Variants in RPS9 observed in about 807,000 individuals in gnomAD.
RPS9 encodes the protein ribosomal protein S9, also known as small ribosomal subunit protein uS4.
In RPS9, 1 loss-of-function variant was observed where a neutral mutation model predicts 16.9. The ratio of observed to expected loss-of-function variants is 0.06; its 90% CI spans 0.02 to 0.28. The LOEUF (loss-of-function observed/expected upper bound fraction) is 0.28. Ranked by LOEUF, RPS9 falls within the 10% of genes least tolerant of loss-of-function variation. RPS9 has a pLI of 1.00. For synonymous variants in RPS9, 106 were observed against 110.9 expected (o/e 0.96, Z 0.28); for missense variants, 137 against 273.2 (o/e 0.50, Z 3.51).
chr19:54,202,353 T>G, intron 3 of RPS9: 3 of 861,224 alleles, frequency 3.5e-6, no homozygotes, highest in Non-Finnish European at 2.8e-6. Context: ...GCCTGGCTAA[T>G]TTTCTATTAT....
At position 54,201,289 on chromosome 19, in the gene RPS9, G is replaced by T. The variant is rs763640480; in HGVS notation, c.97+8G>T. The T allele has an allele frequency of 6.8e-6, 11 of 1,613,982 alleles. No homozygotes were observed. Among genetic ancestry groups the T allele is most frequent in the Non-Finnish European group, 9.3e-6 (11 of 1,180,022 alleles). Reference sequence around the variant, plus strand: ...AAGAGCTGAAGCTGATCGGTGAGTGGCCAAGGCTTCCGGGAAGTGGTTCGG... The same window carrying T: ...AAGAGCTGAAGCTGATCGGTGAGTGTCCAAGGCTTCCGGGAAGTGGTTCGG... On this transcript the variant is annotated splice_region_variant and intron_variant, in intron 2 of 4. Transcript: ENST00000302907.
At chr19:54,202,381 C>T (rs2077088858) in intron 3 of RPS9, 6 of 970,104 alleles carry the variant, frequency 6.2e-6, no homozygotes, top group Non-Finnish European at 7.4e-6. Context: ...GATGGGTTTT[C>T]ACCATGTTGT....
At chr19:54,205,348 G>A (rs1158425448) in intron 3 of RPS9, among the ~76,000 whole-genome samples, 1 of 131,446 alleles carries the variant, frequency 7.6e-6, no homozygotes. Flanking sequence ...GAAGAAAGGT[G>A]TAGTAGGGCA....
At chr19:54,206,931 T>A (rs1241188101) in intron 4 of RPS9, 2 of 502,478 alleles carry the variant, frequency 4.0e-6, no homozygotes, top group Non-Finnish European at 7.1e-6. Context: ...TGTTTGCGTT[T>A]AGAATCTTCG....
chr19:54,202,535 C>CT, intron 3 of RPS9: 3 of 979,428 alleles, frequency 3.1e-6, no homozygotes, highest in Non-Finnish European at 3.6e-6. Context: ...ATCACATAGA[C>CT]TTAGGCTTAC....
Position 54,207,580 on chromosome 19 carries a change from A to G in RPS9, c.*5A>G, listed in dbSNP as rs1059839. The G allele has an allele frequency of 3.7e-6, 6 of 1,602,146 alleles. No homozygotes were observed. The Admixed American group carries it at 8.5e-5, about 23-fold the overall frequency. ...GACGACGAGGAGGAGGATTAAGTCC[A>G]CCTGTCCCTCCTGGGCTGCTGGATT... On this transcript the variant is annotated 3_prime_UTR_variant, in exon 5 of 5. Transcript: ENST00000302907.
In RPS9 at chr19:54,206,845, G is replaced by A. The variant is rs559583239; in HGVS notation, c.407+383G>A. On this transcript the variant is annotated intron_variant, in intron 4 of 4. Coordinates refer to ENST00000302907, the MANE Select transcript of RPS9 (RefSeq NM_001013.4). ...ATTCCAGACCCCGATCCATGACTGC[G>A]TTCTGGGTACTCAGTGTGCCCTTTC... 176 of 838,146 alleles carry A rather than the reference G, an allele frequency of 2.1e-4. 1 individual carries two copies. The South Asian group carries it at 2.4e-3, about 11-fold the overall frequency. 51.9% of individuals were successfully genotyped at this position (838,146 alleles called of 1,614,324 possible).
At chr19:54,206,758 G>C (rs1008522536) in intron 4 of RPS9, 102 of 1,447,274 alleles carry the variant, frequency 7.0e-5, no homozygotes, top group Non-Finnish European at 9.2e-5. Flanking sequence ...TGGAGGGAGA[G>C]AACCAGCCTC....
In RPS9 at chr19:54,202,670, A is replaced by G. The variant is rs541216541; in HGVS notation, c.220+1061A>G. On this transcript the variant is annotated intron_variant, in intron 3 of 4. Coordinates refer to ENST00000302907, the MANE Select transcript of RPS9 (RefSeq NM_001013.4). ...TCTACAGCAGATTGGCATGACCAAG[A>G]TTGGCATTTGTATATCCTGAGACGC... 20 of 985,428 alleles carry G rather than the reference A, an allele frequency of 2.0e-5. No homozygotes were observed. The East Asian group carries it at 2.0e-3, about 101-fold the overall frequency. 61.0% of individuals were successfully genotyped at this position (985,428 alleles called of 1,614,324 possible). A position where few individuals can be genotyped will look rare whatever the true frequency, so the allele number is the denominator to read the frequency against.
Position 54,200,885 on chromosome 19 carries a change from T to C in RPS9, c.-29T>C, listed in dbSNP as rs111381067. The C allele has an allele frequency of 2.5e-5, 29 of 1,152,316 alleles. 1 individual carries two copies. In the African/African-American group the frequency reaches 2.6e-4, roughly 10 times the overall value. 71.4% of individuals were successfully genotyped at this position (1,152,316 alleles called of 1,614,324 possible). ...CTTTCTCAGTGACCGGGTGGTTTGC[T>C]TAGGTGAGGTGCGGTGGTGTGCTTT... On this transcript the variant is annotated 5_prime_UTR_variant, in exon 1 of 5. Transcript: ENST00000302907.
chr19:54,203,086 G>A (rs1467013314), intron 3 of RPS9: 3 of 984,954 alleles, frequency 3.0e-6, no homozygotes, highest in African/African-American at 1.7e-5. Flanking sequence ...GATGCTGGGT[G>A]GGAATTCATC....
chr19:54,202,812 C>A (rs11084315), intron 3 of RPS9: 375,595 of 985,018 alleles, frequency 0.38, 74,819 homozygotes, highest in East Asian at 0.43. Flanking sequence ...AAAGTCCTGG[C>A]GCATGTTTAG....
intron 3 of RPS9, among the ~76,000 whole-genome samples, chr19:54,204,747 A>G (rs2077183171): frequency 6.6e-6 from 1 of 152,218 alleles, no homozygotes; most frequent in Non-Finnish European, 1.5e-5. Context: ...TGTAAAGACA[A>G]AAAGGCGTGA....
chr19:54,205,213 G>A (rs1017755753), intron 3 of RPS9, among the ~76,000 whole-genome samples: 8 of 152,012 alleles, frequency 5.3e-5, no homozygotes, highest in African/African-American at 1.9e-4. Flanking sequence ...AGCAGTGAGC[G>A]GGAGCCTAGG....
At chr19:54,203,456 G>A (rs1321390925) in intron 3 of RPS9, 1 of 297,574 alleles carries the variant, frequency 3.4e-6, no homozygotes, top group Non-Finnish European at 5.0e-6. Flanking sequence ...CCAACATTTG[G>A]CTGGCAGTTA....
At chr19:54,201,114 C>A in intron 1 of RPS9, 46 bp from the exon 2 acceptor site, 1 of 1,609,014 alleles carries the variant, frequency 6.2e-7, no homozygotes, top group Non-Finnish European at 8.5e-7. Context: ...TGGGACTGCG[C>A]AGGCGCCGTT....
chr19:54,202,957 C>T, intron 3 of RPS9: 1 of 969,314 alleles, frequency 1.0e-6, no homozygotes, highest in Non-Finnish European at 1.2e-6. Context: ...CTCAGCTTTC[C>T]AAAGTGCTGG....
chr19:54,206,645 A>G (rs756242666), intron 4 of RPS9, 183 bp downstream of exon 4: 45 of 1,550,156 alleles, frequency 2.9e-5, no homozygotes, highest in East Asian at 2.7e-4. Context: ...TCTTGCCCCA[A>G]TAGCCCAGCG....
intron 1 of RPS9, 62 bp from the exon 2 acceptor site, chr19:54,201,098 T>C: frequency 6.3e-7 from 1 of 1,588,380 alleles, no homozygotes; most frequent in African/African-American, 1.3e-5. Context: ...GGTTTTGGCG[T>C]AGTTGTGGGA....
Sources: gnomAD v4.1 joint callset for allele counts (sites outside exome capture counted in the v4.1 genomes callset) on GRCh38, gnomAD v4.1.1 for gene constraint, MANE v1.5 for transcripts, NCBI Gene and HGNC (gene_info 2026-07-23, HGNC 2026-07-21) for gene names.